EXOC4: variants seen among roughly 807,000 people sequenced by gnomAD.
EXOC4 encodes the protein exocyst complex component 4, also known as SEC8-like 1.
In EXOC4, 71 loss-of-function variants were observed where a neutral mutation model predicts 107.2. The ratio of observed to expected loss-of-function variants is 0.66; its 90% CI spans 0.55 to 0.81. The LOEUF (loss-of-function observed/expected upper bound fraction) is 0.81. Ranked by LOEUF, EXOC4 falls within the 30% of genes least tolerant of loss-of-function variation. The pLI, the probability that EXOC4 is intolerant of heterozygous loss-of-function variation, is 0.00. For synonymous variants in EXOC4, 456 were observed against 441.2 expected (o/e 1.03, Z -0.42); for missense variants, 1,108 against 1,189.6 (o/e 0.93, Z 1.01).
At chr7:134,028,775 A>C (rs1795203275) in intron 17 of EXOC4, among the ~76,000 whole-genome samples, 1 of 152,248 alleles carries the variant, frequency 6.6e-6, no homozygotes, top group Non-Finnish European at 1.5e-5. Context: ...TGGAGTGATA[A>C]GAGAGAATCT....
intron 17 of EXOC4, among the ~76,000 whole-genome samples, chr7:134,055,986 A>G (rs1009221171): frequency 2.0e-5 from 3 of 152,218 alleles, no homozygotes; most frequent in Non-Finnish European, 4.4e-5. Flanking sequence ...TGAAAAATTA[A>G]TAATGTGATT....
intron 6 of EXOC4, among the ~76,000 whole-genome samples, chr7:133,359,733 G>A (rs1399067347): frequency 6.6e-6 from 1 of 152,120 alleles, no homozygotes; most frequent in African/African-American, 2.4e-5. Context: ...TTAATGTTGT[G>A]TGCTATTTTG....
chr7:133,880,268 A>G (rs992518554), intron 11 of EXOC4, among the ~76,000 whole-genome samples: 3 of 152,200 alleles, frequency 2.0e-5, no homozygotes, highest in African/African-American at 7.2e-5. Flanking sequence ...AGAAAAGCCC[A>G]TGCTTTTTAC....
intron 11 of EXOC4, among the ~76,000 whole-genome samples, chr7:133,882,895 C>T (rs751866737): frequency 1.7e-4 from 26 of 152,142 alleles, no homozygotes; most frequent in African/African-American, 4.3e-4. Context: ...ATCCCACGAA[C>T]GGACATAACT....
chr7:133,849,425 T>TA (rs1563025807), intron 11 of EXOC4, among the ~76,000 whole-genome samples: 1 of 151,962 alleles, frequency 6.6e-6, no homozygotes, highest in Non-Finnish European at 1.5e-5. Flanking sequence ...TCTCTTAAAT[T>TA]AAAAAATAAA....
intron 7 of EXOC4, among the ~76,000 whole-genome samples, chr7:133,416,303 G>C (rs1292738198): frequency 6.6e-6 from 1 of 152,134 alleles, no homozygotes; most frequent in Admixed American, 6.5e-5. Context: ...TCACCCATGT[G>C]AACAGTTTGA....
At chr7:133,516,779 T>A (rs1799885239) in intron 9 of EXOC4, among the ~76,000 whole-genome samples, 1 of 149,016 alleles carries the variant, frequency 6.7e-6, no homozygotes, top group Non-Finnish European at 1.5e-5. Flanking sequence ...TTTTACAGAA[T>A]TTATACCACT....
intron 9 of EXOC4, among the ~76,000 whole-genome samples, chr7:133,580,504 C>G (rs188283990): frequency 5.3e-5 from 8 of 152,274 alleles, no homozygotes; most frequent in African/African-American, 1.7e-4. Context: ...CGCCAACGCT[C>G]CTACATTTCT....
chr7:133,322,611 G>A (rs903844789), intron 5 of EXOC4, among the ~76,000 whole-genome samples: 1 of 152,138 alleles, frequency 6.6e-6, no homozygotes, highest in Non-Finnish European at 1.5e-5. Context: ...TGCTGTTTTG[G>A]TTACTGTCGC....
chr7:133,910,840 C>T (rs999523163), intron 12 of EXOC4, among the ~76,000 whole-genome samples: 1 of 152,198 alleles, frequency 6.6e-6, no homozygotes, highest in Admixed American at 6.5e-5. Context: ...AAGTACACAT[C>T]ATGCCCTGGC....
chr7:133,523,615 C>G (rs1255768604), intron 9 of EXOC4, among the ~76,000 whole-genome samples: 7 of 151,776 alleles, frequency 4.6e-5, no homozygotes, highest in Non-Finnish European at 1.0e-4. Context: ...ACAACAGTCC[C>G]CAGAGTGTGA....
At chr7:133,497,229 T>C (rs1311135629) in intron 9 of EXOC4, among the ~76,000 whole-genome samples, 1 of 152,148 alleles carries the variant, frequency 6.6e-6, no homozygotes, top group Non-Finnish European at 1.5e-5. Context: ...CTAATCCATG[T>C]CTGGACTTCT....
chr7:133,983,118 T>C (rs1424235896), intron 14 of EXOC4, among the ~76,000 whole-genome samples: 1 of 151,768 alleles, frequency 6.6e-6, no homozygotes, highest in Non-Finnish European at 1.5e-5. Context: ...AGCAGGCATC[T>C]CACATGGCAG....
At chr7:133,857,190 A>T (rs1349542562) in intron 11 of EXOC4, among the ~76,000 whole-genome samples, 4 of 27,956 alleles carry the variant, frequency 1.4e-4, no homozygotes, top group African/African-American at 4.6e-4. Flanking sequence ...ATATATATAT[A>T]TATATATATA....
intron 5 of EXOC4, among the ~76,000 whole-genome samples, chr7:133,347,244 CTTT>C (rs57983951): frequency 4.3e-5 from 6 of 139,472 alleles, no homozygotes; most frequent in Non-Finnish European, 3.1e-5. Flanking sequence ...GTAAACTATA[CTTT>C]TTTTTTTTTT....
At chr7:133,503,851 C>G (rs1799619882) in intron 9 of EXOC4, among the ~76,000 whole-genome samples, 1 of 151,844 alleles carries the variant, frequency 6.6e-6, no homozygotes, top group Non-Finnish European at 1.5e-5. Context: ...GGGTAGCCTT[C>G]AGGGAATCTG....
rs537986252 is a variant in EXOC4, at chr7:133,309,740, G to A, written c.656+3679G>A. On this transcript the variant is annotated intron_variant, in intron 4 of 17. Transcript: ENST00000253861. ...GGATCATTTGAGGTCAGGAGTTTGA[G>A]ACCAGCCTGGTCAACGTGGTAAAAC... is the stretch of plus-strand genomic sequence containing the variant. Among the ~76,000 whole-genome samples the A allele has an allele frequency of 2.0e-5, 3 of 152,296 alleles. No homozygotes were observed. The South Asian group carries it at 6.2e-4, about 32-fold the overall frequency.
chr7:133,472,635 G>A (rs964079402), intron 7 of EXOC4, among the ~76,000 whole-genome samples: 2 of 152,158 alleles, frequency 1.3e-5, no homozygotes, highest in Non-Finnish European at 2.9e-5. Flanking sequence ...AAATCACATT[G>A]TGATAAAGGG....
chr7:133,292,237 C>T (rs183288930), intron 3 of EXOC4, among the ~76,000 whole-genome samples: 1 of 152,206 alleles, frequency 6.6e-6, no homozygotes, highest in Admixed American at 6.5e-5. Context: ...CCAGCTAGCT[C>T]AGAGGCTGAG....
Sources: allele counts gnomAD v4.1 joint callset (sites outside exome capture counted in the v4.1 genomes callset), GRCh38; gene constraint gnomAD v4.1.1; transcripts MANE v1.5; gene names NCBI Gene and HGNC (gene_info 2026-07-23, HGNC 2026-07-21).